Variants in WBP2NL observed in about 807,000 individuals in gnomAD.
WBP2NL encodes postacrosomal sheath WW domain-binding protein.
In WBP2NL, 27 loss-of-function variants were observed where a neutral mutation model predicts 23.3. The observed-to-expected ratio is 1.16, with a 90% confidence interval of 0.85 to 1.60. WBP2NL has a LOEUF of 1.60. WBP2NL is among the 40% of genes most tolerant of loss of function. WBP2NL has a pLI of 0.00. For missense variants in WBP2NL, 370 were observed against 389.5 expected (o/e 0.95, Z 0.42); for synonymous variants, 151 against 145.9 (o/e 1.03, Z -0.25).
chr22:42,055,014 T>A (rs1036915178), intron 8 of WBP2NL, among the ~76,000 whole-genome samples: 1 of 152,216 alleles, frequency 6.6e-6, no homozygotes, highest in African/African-American at 2.4e-5. Context: ...GATACTGAAA[T>A]TGAAAGTGTG....
At chr22:42,024,479 C>G (rs2146797177) in intron 5 of WBP2NL, among the ~76,000 whole-genome samples, 1 of 151,876 alleles carries the variant, frequency 6.6e-6, no homozygotes, top group Non-Finnish European at 1.5e-5. Context: ...TCTACACATC[C>G]TCAGCAACAC....
chr22:42,035,570 G>T (rs1440710035), downstream of WBP2NL, among the ~76,000 whole-genome samples: 1 of 152,244 alleles, frequency 6.6e-6, no homozygotes, highest in African/African-American at 2.4e-5. Flanking sequence ...AGCTGCTCCA[G>T]ATGGCCTGCT....
At chr22:42,049,831 G>T (rs979225640) in intron 8 of WBP2NL, among the ~76,000 whole-genome samples, 3 of 151,020 alleles carry the variant, frequency 2.0e-5, no homozygotes, top group African/African-American at 7.3e-5. Flanking sequence ...ACAAAATTTA[G>T]CCAGGCATGG....
chr22:42,006,635 C>T (rs1478002654), intron 1 of WBP2NL, among the ~76,000 whole-genome samples: 3 of 152,220 alleles, frequency 2.0e-5, no homozygotes, highest in Non-Finnish European at 2.9e-5. Context: ...CCAGGACCCT[C>T]AGTTCTTTAG....
At chr22:42,011,939 A>G (rs528962397) in intron 1 of WBP2NL, among the ~76,000 whole-genome samples, 1 of 151,604 alleles carries the variant, frequency 6.6e-6, no homozygotes, top group East Asian at 1.9e-4. Context: ...TGCCTGGCTA[A>G]TTTTTTTGAA....
intron 1 of WBP2NL, among the ~76,000 whole-genome samples, chr22:42,014,905 C>G (rs1191210492): frequency 6.6e-6 from 1 of 152,138 alleles, no homozygotes; most frequent in Admixed American, 6.5e-5. Context: ...TCCTTTAACT[C>G]TTTGAGTATA....
intron 2 of WBP2NL, 113 bp from the exon 3 acceptor site, chr22:42,019,549 G>T (rs1923685414): frequency 6.5e-7 from 1 of 1,527,374 alleles, no homozygotes; most frequent in Non-Finnish European, 8.9e-7. Flanking sequence ...ACTGAAGGGT[G>T]GTGGAAGAAA....
intron 1 of WBP2NL, among the ~76,000 whole-genome samples, chr22:42,000,205 C>T (rs2146746608): frequency 6.6e-6 from 1 of 152,262 alleles, no homozygotes; most frequent in South Asian, 2.1e-4. Flanking sequence ...TGCTGATATC[C>T]AGGTCTTTCT....
chr22:42,010,312 A>G (rs974806568), intron 1 of WBP2NL, among the ~76,000 whole-genome samples: 1 of 152,028 alleles, frequency 6.6e-6, no homozygotes, highest in African/African-American at 2.4e-5. Context: ...TTTTTTGCCT[A>G]ATTGCTCTGG....
downstream of WBP2NL, among the ~76,000 whole-genome samples, chr22:42,036,334 C>G (rs569597471): frequency 1.3e-5 from 2 of 152,278 alleles, no homozygotes; most frequent in South Asian, 4.2e-4. Context: ...GCCACCATGC[C>G]CGGCTAATTT....
At chr22:42,050,650 C>T (rs1341710988) in intron 8 of WBP2NL, among the ~76,000 whole-genome samples, 3 of 139,836 alleles carry the variant, frequency 2.1e-5, no homozygotes, top group Non-Finnish European at 3.2e-5. Flanking sequence ...TCCATTCCCC[C>T]GTCCCCTCCC....
At chr22:42,019,485 A>C in intron 2 of WBP2NL, 66 bp downstream of exon 2, 3 of 1,572,010 alleles carry the variant, frequency 1.9e-6, no homozygotes, top group Non-Finnish European at 2.6e-6. Context: ...AATGAAGAAA[A>C]CTTAAACATT....
intron 1 of WBP2NL, among the ~76,000 whole-genome samples, chr22:42,003,699 A>C (rs903346698): frequency 6.6e-6 from 1 of 152,220 alleles, no homozygotes; most frequent in African/African-American, 2.4e-5. Flanking sequence ...CGAAAAAACT[A>C]TGCATGGATT....
At chr22:42,020,182 G>A (rs1218526109) in intron 4 of WBP2NL, 86 bp downstream of exon 4, 2 of 1,291,986 alleles carry the variant, frequency 1.5e-6, no homozygotes, top group Admixed American at 2.2e-5. Flanking sequence ...TGCTGTTGTT[G>A]TTGTTTTGTT....
chr22:42,056,225 TATTCTGAACTATCTC>T (rs1232428749), intron 8 of WBP2NL, among the ~76,000 whole-genome samples: 1 of 152,218 alleles, frequency 6.6e-6, no homozygotes, highest in Non-Finnish European at 1.5e-5. Context: ...ATTAACATCT[TATTCTGAACTATCTC>T]ATTCTGATTA....
intron 1 of WBP2NL, chr22:42,002,031 C>T (rs1472321076): frequency 1.8e-6 from 1 of 562,188 alleles, no homozygotes; most frequent in Non-Finnish European, 2.9e-6. Flanking sequence ...GACTCCGGGG[C>T]TGATTGTGAA....
At chr22:42,043,421 G>A (rs577468701) in intron 8 of WBP2NL, among the ~76,000 whole-genome samples, 281 of 152,302 alleles carry the variant, frequency 1.8e-3, no homozygotes, top group African/African-American at 6.6e-3. Context: ...GCCAGCTGCT[G>A]GCACATGTGT....
chr22:41,998,910 G>A, intron 1 of WBP2NL, 30 bp downstream of exon 1: 3 of 1,595,944 alleles, frequency 1.9e-6, no homozygotes, highest in Non-Finnish European at 2.6e-6. Context: ...GCGTGCTGTC[G>A]GAGGAGAGGA....
intron 1 of WBP2NL, among the ~76,000 whole-genome samples, chr22:42,018,148 CA>C (rs573163901): frequency 0.32 from 38,811 of 121,748 alleles, 5,846 homozygotes; most frequent in Admixed American, 0.39. Flanking sequence ...AGACTTCTCT[CA>C]AAAAAAAAAA....
Sources: gnomAD v4.1 joint callset for allele counts (sites outside exome capture counted in the v4.1 genomes callset) on GRCh38, gnomAD v4.1.1 for gene constraint, MANE v1.5 for transcripts, NCBI Gene and HGNC (gene_info 2026-07-23, HGNC 2026-07-21) for gene names.